The following QRSL1 variants were observed in gnomAD, a reference collection of about 807,000 sequenced individuals.
QRSL1 encodes glutaminyl-tRNA amidotransferase subunit QRSL1, also known as glutamyl-tRNA(Gln) amidotransferase subunit A, mitochondrial.
In QRSL1, 54 loss-of-function variants were observed where a neutral mutation model predicts 61.6. The ratio of observed to expected loss-of-function variants is 0.88; its 90% CI spans 0.70 to 1.10. The LOEUF is 1.10. Among genes scored for constraint, QRSL1 ranks in the 50% least tolerant of loss-of-function variants. The pLI is 0.00. For missense variants in QRSL1, 505 were observed against 622.6 expected (o/e 0.81, Z 2.01); for synonymous variants, 228 against 225.7 (o/e 1.01, Z -0.09).
At chr6:106,665,741 G>A (rs1477490374) in intron 10 of QRSL1, 41 bp from the exon 11 acceptor site, 3 of 1,544,772 alleles carry the variant, frequency 1.9e-6, no homozygotes, top group Non-Finnish European at 2.7e-6. Flanking sequence ...GCTAATTAGG[G>A]TGGAGAATTA....
chr6:106,666,492 C>T lies in QRSL1; in HGVS notation c.*490C>T, dbSNP rs1423141299. On this transcript the variant is annotated 3_prime_UTR_variant, in exon 11 of 11. Transcript: ENST00000369046. ...AAATAACGTGTCAGCATTTAGTAAG[C>T]ATCCACTAAGTGTACAATACTTCTA... 5.9e-6 allele frequency: 1 copy of T among 169,440 alleles called. No individual in the cohort carries two copies. The highest frequency in any genetic ancestry group is 1.3e-5 in the Non-Finnish European group (1 of 77,178). The allele number at this position is 169,440 out of a possible 1,614,324, so 10.5% of individuals were successfully genotyped here. A position where few individuals can be genotyped will look rare whatever the true frequency, so the allele number is the denominator to read the frequency against.
In QRSL1 at chr6:106,649,172, A is replaced by G; in HGVS notation, c.528A>G (p.Ala176=). ...LITGGSSGGS[A]AAVSAFTCYA... is the part of the protein sequence containing the mutation. ...CTGGAGGAAGCTCAGGTGGGAGTGC[A>G]GCTGCTGTATCGGCGTTCACATGCT... The change falls in exon 5 of 11, where the codon GCA becomes GCG. Residue 176 remains alanine (A), a synonymous_variant. Coordinates refer to ENST00000369046, the MANE Select transcript of QRSL1 (RefSeq NM_018292.5). 6.2e-7 allele frequency: 1 copy of G among 1,614,170 alleles called. No individual in the cohort carries two copies. The highest frequency in any genetic ancestry group is 2.2e-5 in the East Asian group (1 of 44,870).
At chr6:106,636,843 T>C (rs933284621) in intron 1 of QRSL1, among the ~76,000 whole-genome samples, 6 of 152,216 alleles carry the variant, frequency 3.9e-5, no homozygotes, top group African/African-American at 1.4e-4. Flanking sequence ...TCCTTTACTT[T>C]CTAAGAAGAG....
rs772507335 is a variant in QRSL1, at chr6:106,665,771, T to C, written c.1367-11T>C. On this transcript the variant is annotated splice_polypyrimidine_tract_variant and intron_variant, in intron 10 of 10. Coordinates refer to ENST00000369046, the MANE Select transcript of QRSL1 (RefSeq NM_018292.5). Reference sequence around the variant, plus strand: ...GAATTAATCACCTACTGGGTTTCCTTCTTTTCCCAGGATTGCCAGCAGTGA... The same window carrying C: ...GAATTAATCACCTACTGGGTTTCCTCCTTTTCCCAGGATTGCCAGCAGTGA... 4 of 1,613,096 alleles carry C rather than the reference T, an allele frequency of 2.5e-6. No individual in the cohort carries two copies. In the Admixed American group the frequency reaches 6.7e-5, roughly 27 times the overall value.
chr6:106,665,640 C>A, intron 10 of QRSL1, 142 bp from the exon 11 acceptor site: 1 of 714,732 alleles, frequency 1.4e-6, no homozygotes. Context: ...AAACATAGTA[C>A]AAAAGCATTA....
chr6:106,646,914 G>A (rs56390046), intron 4 of QRSL1, among the ~76,000 whole-genome samples: 12,711 of 150,634 alleles, frequency 0.084, 735 homozygotes, highest in East Asian at 0.28. Flanking sequence ...TGTAGTCCCC[G>A]CTACTCAGGA....
chr6:106,656,750 G>T (rs1211439958), intron 9 of QRSL1, among the ~76,000 whole-genome samples: 1 of 152,140 alleles, frequency 6.6e-6, no homozygotes, highest in Non-Finnish European at 1.5e-5. Context: ...TTGACCTCTT[G>T]AGCTTAAGTG....
At chr6:106,650,399 T>A (rs1228527115) in intron 5 of QRSL1, among the ~76,000 whole-genome samples, 1 of 152,234 alleles carries the variant, frequency 6.6e-6, no homozygotes, top group African/African-American at 2.4e-5. Context: ...ACAAGTGCCA[T>A]GTTATTGTTA....
At chr6:106,648,315 T>C (rs1010719504) in intron 4 of QRSL1, among the ~76,000 whole-genome samples, 1 of 151,984 alleles carries the variant, frequency 6.6e-6, no homozygotes, top group Non-Finnish European at 1.5e-5. Flanking sequence ...AAAAAATTAT[T>C]GTATTGATAT....
intron 1 of QRSL1, among the ~76,000 whole-genome samples, chr6:106,637,997 G>T (rs1008640023): frequency 4.6e-5 from 7 of 152,126 alleles, no homozygotes; most frequent in African/African-American, 1.7e-4. Flanking sequence ...AACCACAATT[G>T]TAACACCTTA....
chr6:106,665,824 G>C lies in QRSL1; in HGVS notation c.1409G>C (p.Gly470Ala), dbSNP rs1243283046. The change falls in exon 11 of 11, where the codon GGG (glycine) becomes GCG (alanine). Residue 470 changes from glycine (G) to alanine (A), a missense_variant. By Grantham distance (60) the Gly-to-Ala change is moderately conservative. Coordinates refer to ENST00000369046, the MANE Select transcript of QRSL1 (RefSeq NM_018292.5). ...VSIPVALSNQ[G>A]LPIGLQFIGR... ...ATCCCTGTTGCACTCTCAAACCAAG[G>C]GTTGCCAATAGGACTGCAGTTTATT... is the stretch of plus-strand genomic sequence containing the variant. 3.7e-6 allele frequency: 6 copies of C among 1,613,794 alleles called. No homozygotes were observed. Among genetic ancestry groups the C allele is most frequent in the Non-Finnish European group, 5.1e-6 (6 of 1,179,860 alleles).
At chr6:106,632,731 T>C (rs1776857772) in intron 1 of QRSL1, among the ~76,000 whole-genome samples, 1 of 152,254 alleles carries the variant, frequency 6.6e-6, no homozygotes, top group African/African-American at 2.4e-5. Flanking sequence ...CATTTTCATA[T>C]ACCAGTTTGC....
chr6:106,639,419 C>T (rs981187248), intron 1 of QRSL1, among the ~76,000 whole-genome samples: 3 of 152,074 alleles, frequency 2.0e-5, no homozygotes, highest in African/African-American at 2.4e-5. Context: ...CCACTGCGCC[C>T]GGCCAGTGTG....
chr6:106,630,172 G>C (rs1776790022), intron 1 of QRSL1, among the ~76,000 whole-genome samples: 2 of 152,200 alleles, frequency 1.3e-5, no homozygotes, highest in African/African-American at 4.8e-5. Context: ...TAAGATACCA[G>C]TGATTTCCTA....
At chr6:106,633,525 T>C (rs1291986792) in intron 1 of QRSL1, among the ~76,000 whole-genome samples, 2 of 152,090 alleles carry the variant, frequency 1.3e-5, no homozygotes, top group Non-Finnish European at 2.9e-5. Context: ...GAGTGGAAGC[T>C]TATGGTAACA....
rs139609274 is a variant in QRSL1 at position 106,636,092 on chromosome 6, G to A, written c.25-4257G>A. ...ATTTTCAAAGGGTGTGTTCAAAGGA[G>A]ATGCTCACTGGAGCATTTTAGACTG... On this transcript the variant is annotated intron_variant, in intron 1 of 10. Transcript: ENST00000369046. Among the ~76,000 whole-genome samples the A allele has an allele frequency of 3.4e-3, 512 of 152,278 alleles. 5 individuals are homozygous for A. Among genetic ancestry groups the A allele is most frequent in the African/African-American group, 0.012 (480 of 41,562 alleles).
rs112246044 is a variant in QRSL1, at chr6:106,652,230, A to G, written c.579A>G (p.Gly193=). 3 of 1,614,068 alleles carry G rather than the reference A, an allele frequency of 1.9e-6. No individual in the cohort carries two copies. Among genetic ancestry groups the G allele is most frequent in the Non-Finnish European group, 2.5e-6 (3 of 1,179,920 alleles). Residue 193 remains glycine, a synonymous_variant, in exon 6 of 11, where the codon GGA becomes GGG. Coordinates refer to ENST00000369046, the MANE Select transcript of QRSL1 (RefSeq NM_018292.5). ...TCYAALGSDT[G]GSTRNPAAHC... is the part of the protein sequence containing the mutation. Reference sequence around the variant, plus strand: ...CCAGGGCTTTAGGATCAGATACAGGAGGATCGACCAGAAATCCTGCTGCCC... The same window carrying G: ...CCAGGGCTTTAGGATCAGATACAGGGGGATCGACCAGAAATCCTGCTGCCC...
Position 106,666,183 on chromosome 6 carries a change from G to T in QRSL1, c.*181G>T. 1.7e-6 allele frequency: 1 copy of T among 573,814 alleles called. No homozygotes were observed. The highest frequency in any genetic ancestry group is 3.1e-6 in the Non-Finnish European group (1 of 325,292). 35.5% of individuals were successfully genotyped at this position (573,814 alleles called of 1,614,324 possible). On this transcript the variant is annotated 3_prime_UTR_variant, in exon 11 of 11. Transcript: ENST00000369046. ...AAAAATTAGCCAGGCTTAGTGGCGG[G>T]CATCTGTAGTCCCAGCTACTCAGGA...
At chr6:106,652,629 T>C (rs1306178749) in intron 7 of QRSL1, 47 bp downstream of exon 7, 5 of 1,612,148 alleles carry the variant, frequency 3.1e-6, no homozygotes, top group Non-Finnish European at 4.2e-6. Flanking sequence ...TCAAGTCCAA[T>C]AGAGAGCACA....
Sources: allele counts gnomAD v4.1 joint callset (sites outside exome capture counted in the v4.1 genomes callset), GRCh38; gene constraint gnomAD v4.1.1; transcripts MANE v1.5; gene names NCBI Gene and HGNC (gene_info 2026-07-23, HGNC 2026-07-21).